Variants in CDK14 observed in about 807,000 individuals in gnomAD.
CDK14 encodes cyclin dependent kinase 14.
In CDK14, 34 loss-of-function variants were observed where a neutral mutation model predicts 60.7. The observed-to-expected ratio is 0.56, with a 90% CI of 0.43 to 0.75. The LOEUF is 0.75. CDK14 is among the 30% of genes least tolerant of loss of function. The pLI, the probability that CDK14 is intolerant of heterozygous loss-of-function variation, is 0.00. For synonymous variants in CDK14, 197 were observed against 203.7 expected, an observed-to-expected ratio of 0.97 and a Z score of 0.28; for missense variants, 482 against 564.1, an observed-to-expected ratio of 0.85 and a Z score of 1.47.
intron 2 of CDK14, among the ~76,000 whole-genome samples, chr7:90,626,447 C>T (rs755932034): frequency 2.0e-5 from 3 of 152,100 alleles, no homozygotes; most frequent in African/African-American, 4.8e-5. Context: ...TGTTTGGCTA[C>T]CTCCAAAATT....
At chr7:90,806,307 C>A (rs1453787246) in intron 5 of CDK14, among the ~76,000 whole-genome samples, 2 of 151,658 alleles carry the variant, frequency 1.3e-5, no homozygotes, top group Non-Finnish European at 2.9e-5. Context: ...AAAAAGACAC[C>A]ATTAAAGAAA....
chr7:90,636,691 A>G (rs940076451), intron 2 of CDK14, among the ~76,000 whole-genome samples: 7 of 152,256 alleles, frequency 4.6e-5, no homozygotes, highest in Non-Finnish European at 8.8e-5. Context: ...GTTGATTGGA[A>G]TAGTTTCAGA....
At chr7:90,942,172 A>T (rs988511760) in intron 8 of CDK14, among the ~76,000 whole-genome samples, 1 of 152,096 alleles carries the variant, frequency 6.6e-6, no homozygotes, top group Non-Finnish European at 1.5e-5. Context: ...TCTCTCTCTG[A>T]CTAGGGCCGG....
At chr7:90,983,269 G>A (rs888172698) in intron 9 of CDK14, among the ~76,000 whole-genome samples, 1 of 152,080 alleles carries the variant, frequency 6.6e-6, no homozygotes, top group Non-Finnish European at 1.5e-5. Flanking sequence ...ATTCACCACA[G>A]CACTATTCAC....
At chr7:90,891,333 G>C (rs940525102) in intron 6 of CDK14, among the ~76,000 whole-genome samples, 1 of 152,136 alleles carries the variant, frequency 6.6e-6, no homozygotes, top group African/African-American at 2.4e-5. Context: ...CTTTTGCACC[G>C]TATTGACTAG....
At chr7:90,671,090 G>A (rs557481445) in intron 2 of CDK14, among the ~76,000 whole-genome samples, 6 of 152,162 alleles carry the variant, frequency 3.9e-5, no homozygotes, top group African/African-American at 7.2e-5. Flanking sequence ...TTGGTGCCCC[G>A]GCTCTCCTGG....
At chr7:90,667,170 T>C (rs1049831985) in intron 2 of CDK14, among the ~76,000 whole-genome samples, 1 of 152,222 alleles carries the variant, frequency 6.6e-6, no homozygotes, top group Non-Finnish European at 1.5e-5. Context: ...CTTATAGTCA[T>C]CATTGTACAT....
chr7:90,937,273 T>A (rs1793785555), intron 8 of CDK14, among the ~76,000 whole-genome samples: 1 of 152,178 alleles, frequency 6.6e-6, no homozygotes, highest in South Asian at 2.1e-4. Flanking sequence ...TTTCGTTTTC[T>A]TCTTTTCTTT....
chr7:91,134,975 A>G lies in CDK14; in HGVS notation c.*28+16767A>G, dbSNP rs75666498. 7.0e-3 allele frequency among the ~76,000 whole-genome samples: 1,068 copies of G among 152,300 alleles called. 10 individuals are homozygous for G. Among genetic ancestry groups the G allele is most frequent in the Non-Finnish European group, 9.6e-3 (650 of 68,020 alleles). ...GCTTATTAAATTGGCCGTTTTATGTAGTATTCAAATATGTATGTATTTACA... is the reference window on the plus strand; with the variant it reads ...GCTTATTAAATTGGCCGTTTTATGTGGTATTCAAATATGTATGTATTTACA... On this transcript the variant is annotated intron_variant, in intron 14 of 14. Coordinates refer to ENST00000380050, the MANE Select transcript of CDK14 (RefSeq NM_001287135.2).
At chr7:90,747,519 G>A (rs1319670360) in intron 3 of CDK14, among the ~76,000 whole-genome samples, 162 bp from the exon 4 acceptor site, 1 of 151,702 alleles carries the variant, frequency 6.6e-6, no homozygotes, top group African/African-American at 2.4e-5. Context: ...TTTTAGTTTT[G>A]TATCCTGTTT....
At chr7:90,783,795 A>G (rs151300043) in intron 4 of CDK14, among the ~76,000 whole-genome samples, 72 of 152,272 alleles carry the variant, frequency 4.7e-4, no homozygotes, top group African/African-American at 1.4e-3. Context: ...CGATGAGGAT[A>G]TGGAGAAAGG....
intron 4 of CDK14, among the ~76,000 whole-genome samples, chr7:90,776,245 A>G (rs1390589858): frequency 6.6e-6 from 1 of 151,950 alleles, no homozygotes; most frequent in African/African-American, 2.4e-5. Context: ...TTCTTTCATC[A>G]TTCATTTTGG....
chr7:90,922,131 T>A (rs1461471963), intron 8 of CDK14, among the ~76,000 whole-genome samples: 1 of 152,244 alleles, frequency 6.6e-6, no homozygotes, highest in African/African-American at 2.4e-5. Context: ...AAATCATTTA[T>A]GCACAAAATT....
chr7:90,668,825 C>T (rs2116525861), intron 2 of CDK14, among the ~76,000 whole-genome samples: 1 of 150,028 alleles, frequency 6.7e-6, no homozygotes, highest in Admixed American at 6.7e-5. Flanking sequence ...CTTCATGCCT[C>T]AGCCTCCTGA....
At chr7:90,623,937 T>C (rs1799824045) in intron 2 of CDK14, among the ~76,000 whole-genome samples, 1 of 152,240 alleles carries the variant, frequency 6.6e-6, no homozygotes, top group African/African-American at 2.4e-5. Flanking sequence ...TCAGAAGCCC[T>C]GAAACCCCTT....
chr7:90,881,131 A>G (rs923976624), intron 6 of CDK14, among the ~76,000 whole-genome samples: 5 of 152,226 alleles, frequency 3.3e-5, no homozygotes, highest in African/African-American at 1.2e-4. Flanking sequence ...AAGATGGGTA[A>G]TATAAAACTA....
At chr7:91,111,896 A>C (rs1340770543) in intron 12 of CDK14, among the ~76,000 whole-genome samples, 1 of 152,140 alleles carries the variant, frequency 6.6e-6, no homozygotes, top group Non-Finnish European at 1.5e-5. Context: ...AGACTTTATT[A>C]TTACGCCTTT....
At chr7:90,631,848 AG>A (rs968903347) in intron 2 of CDK14, 1 of 152,272 alleles carries the variant, frequency 6.6e-6, no homozygotes, top group African/African-American at 2.4e-5. Flanking sequence ...CACTGGAAAA[AG>A]GTCACTGAAG....
At chr7:90,758,599 G>A (rs182113451) in intron 4 of CDK14, among the ~76,000 whole-genome samples, 127 of 152,168 alleles carry the variant, frequency 8.3e-4, no homozygotes, top group Non-Finnish European at 1.5e-3. Context: ...TCATTGTATT[G>A]TTTATAATTA....
Sources: gnomAD v4.1 joint callset for allele counts (sites outside exome capture counted in the v4.1 genomes callset) on GRCh38, gnomAD v4.1.1 for gene constraint, MANE v1.5 for transcripts, NCBI Gene and HGNC (gene_info 2026-07-23, HGNC 2026-07-21) for gene names.